SYNE1: variants seen among roughly 807,000 people sequenced by gnomAD.
SYNE1 encodes the protein spectrin repeat containing nuclear envelope protein 1.
SYNE1 carries 616 observed loss-of-function variants against 1,111.0 expected under a neutral mutation model. The observed-to-expected ratio is 0.55, with a 90% CI of 0.52 to 0.59. SYNE1 has a LOEUF of 0.59. SYNE1 is among the 20% of genes least tolerant of loss of function. The pLI is 0.00. For synonymous variants in SYNE1, 3,855 were observed against 3,825.8 expected (o/e 1.01, Z -0.28); for missense variants, 10,006 against 10,417.0 (o/e 0.96, Z 1.72).
chr6:152,541,071 C>T (rs572785960), intron 3 of SYNE1, among the ~76,000 whole-genome samples: 5 of 152,098 alleles, frequency 3.3e-5, no homozygotes, highest in Admixed American at 6.5e-5. Flanking sequence ...TCAAGGTTTG[C>T]GGTACTTTGC....
At chr6:152,138,267 T>C (rs1480295169) in intron 140 of SYNE1, among the ~76,000 whole-genome samples, 2 of 152,014 alleles carry the variant, frequency 1.3e-5, no homozygotes, top group Non-Finnish European at 1.5e-5. Flanking sequence ...TCCCAGCAAT[T>C]TGGGAGGCCG....
rs201146062 is a variant in SYNE1 at position 152,455,437 on chromosome 6, G to A, written c.2881C>T (p.Arg961Trp). The A allele has an allele frequency of 8.0e-4, 1,290 of 1,613,890 alleles. 8 individuals are homozygous for A. The highest frequency in any genetic ancestry group is 5.4e-3 in the East Asian group (243 of 44,868). ...EEKGDPEELLRRHTEFFSQLD... is the reference protein window; with the variant it reads ...EEKGDPEELLWRHTEFFSQLD... ...AAGGGTGGACTCACAGTGTGTCTCC[G>A]CAGGAGCTCCTCTGGATCCCCCTTT... The change falls in exon 24 of 146, where the codon CGG becomes TGG. Residue 961 changes from arginine (R) to tryptophan (W), a missense_variant. Around this residue, in one of 7 missense-constraint regions of SYNE1, gnomAD observed 1,971 missense variants for 2,084.1 expected, o/e 0.95. Transcript: ENST00000367255.
intron 124 of SYNE1, 69 bp downstream of exon 124, chr6:152,211,425 C>T: frequency 7.5e-7 from 1 of 1,336,502 alleles, no homozygotes; most frequent in Non-Finnish European, 1.1e-6. Context: ...GCCCTCCAAT[C>T]TGCTCATTAA....
chr6:152,620,140 A>G (rs1033865647), intron 3 of SYNE1, among the ~76,000 whole-genome samples: 7 of 52,400 alleles, frequency 1.3e-4, no homozygotes, highest in Admixed American at 9.4e-4. Context: ...AATTAACAAC[A>G]TTAACACAGT....
chr6:152,360,918 G>A (rs1272429591), intron 64 of SYNE1, among the ~76,000 whole-genome samples: 3 of 152,098 alleles, frequency 2.0e-5, no homozygotes, highest in Non-Finnish European at 4.4e-5. Flanking sequence ...CAAGTGTTGA[G>A]GATATAAAGA....
rs214945 is a variant in SYNE1 at position 152,391,770 on chromosome 6, A to G, written c.7713-202T>C. 0.5 allele frequency among the ~76,000 whole-genome samples: 75,870 copies of G among 151,608 alleles called. 21,479 individuals carry two copies. Among genetic ancestry groups the G allele is most frequent in the African/African-American group, 0.76 (31,518 of 41,312 alleles). Reference sequence around the variant, plus strand: ...TCTCCTAATGTTGTCAGTACCTATCAGGGGATAACATTCAGTCTGTGCTGT... The same window carrying G: ...TCTCCTAATGTTGTCAGTACCTATCGGGGGATAACATTCAGTCTGTGCTGT... On this transcript the variant is annotated intron_variant, in intron 51 of 145. Coordinates refer to ENST00000367255, the MANE Select transcript of SYNE1 (RefSeq NM_182961.4).
At chr6:152,307,354 C>T (rs1297838997) in intron 91 of SYNE1, among the ~76,000 whole-genome samples, 1 of 152,026 alleles carries the variant, frequency 6.6e-6, no homozygotes, top group Admixed American at 6.6e-5. Flanking sequence ...AAAGCAATAC[C>T]TTGAATCTTT....
At chr6:152,448,295 C>G (rs1449537549) in intron 28 of SYNE1, among the ~76,000 whole-genome samples, 1 of 152,170 alleles carries the variant, frequency 6.6e-6, no homozygotes, top group Non-Finnish European at 1.5e-5. Flanking sequence ...CTGGAGCAGC[C>G]TGTCCTCCCT....
chr6:152,182,613 T>C (rs2068434652), intron 128 of SYNE1, among the ~76,000 whole-genome samples: 4 of 152,236 alleles, frequency 2.6e-5, no homozygotes, highest in Non-Finnish European at 5.9e-5. Context: ...TGAAAATATT[T>C]CTAAGGTATT....
rs1404362748 is a variant in SYNE1, at chr6:152,393,362, G to C, written c.7713-1794C>G. Among the ~76,000 whole-genome samples, 5 of 152,088 alleles carry C rather than the reference G, an allele frequency of 3.3e-5. No individual in the cohort carries two copies. In the East Asian group the frequency reaches 9.6e-4, roughly 29 times the overall value. On this transcript the variant is annotated intron_variant, in intron 51 of 145. Transcript: ENST00000367255. ...ACCATTTAAAACATCTGGAAGAAGG[G>C]AAGTAGGTCTGGGTGTGTTATATTG...
chr6:152,369,446 G>A (rs1045140551), intron 60 of SYNE1, 25 bp downstream of exon 60: 91 of 1,613,932 alleles, frequency 5.6e-5, no homozygotes, highest in Non-Finnish European at 7.6e-5. Context: ...GGTCAGATGG[G>A]GCTACGGGGA....
chr6:152,445,294 A>G (rs1367441061), intron 29 of SYNE1, among the ~76,000 whole-genome samples: 1 of 152,146 alleles, frequency 6.6e-6, no homozygotes, highest in Non-Finnish European at 1.5e-5. Context: ...AGTATTTGTT[A>G]TAAATGTGCT....
intron 3 of SYNE1, among the ~76,000 whole-genome samples, chr6:152,548,780 G>C (rs548793189): frequency 2.0e-5 from 3 of 152,164 alleles, no homozygotes; most frequent in Non-Finnish European, 4.4e-5. Flanking sequence ...TCCTTCTTTT[G>C]TATGGTGACT....
chr6:152,534,083 C>G (rs975370708), intron 4 of SYNE1, among the ~76,000 whole-genome samples: 1 of 151,668 alleles, frequency 6.6e-6, no homozygotes, highest in African/African-American at 2.4e-5. Flanking sequence ...CACTTGAACT[C>G]GGGAGGAGGA....
At chr6:152,206,493 A>G in intron 125 of SYNE1, 131 bp from the exon 126 acceptor site, 2 of 892,280 alleles carry the variant, frequency 2.2e-6, no homozygotes, top group Non-Finnish European at 3.5e-6. Flanking sequence ...TGCTTTGCAC[A>G]TGCATGCACC....
At chr6:152,353,129 A>G (rs1331675966) in intron 69 of SYNE1, 134 bp downstream of exon 69, 5 of 1,227,900 alleles carry the variant, frequency 4.1e-6, no homozygotes, top group Non-Finnish European at 4.8e-6. Context: ...TAGTATTTCA[A>G]GTAAAATGAT....
Position 152,362,251 on chromosome 6 carries a change from A to T in SYNE1, c.10218T>A (p.Asp3406Glu). Reference protein sequence around the residue: ...DGVRQFSGWMDSMEANLNESE... With the variant: ...DGVRQFSGWMESMEANLNESE... Reference sequence around the variant, plus strand: ...ATTCATTCAGGTTGGCTTCCATACTATCCATCCAACCGGAGAACTGTCGAA... The same window carrying T: ...ATTCATTCAGGTTGGCTTCCATACTTTCCATCCAACCGGAGAACTGTCGAA... The change falls in exon 64 of 146, where the codon GAT (aspartate) becomes GAA (glutamate). Residue 3406 changes from aspartate to glutamate, a missense_variant. Physicochemically the swap from Asp to Glu is conservative, Grantham distance 45. This residue lies in a region of SYNE1 where 4,955 missense variants were observed against 5,017.2 expected (regional missense o/e 0.99). Transcript: ENST00000367255. 6.2e-7 allele frequency: 1 copy of T among 1,614,194 alleles called. No homozygotes were observed. Among genetic ancestry groups the T allele is most frequent in the Non-Finnish European group, 8.5e-7 (1 of 1,180,038 alleles).
chr6:152,364,914 G>A lies in SYNE1; in HGVS notation c.10078C>T (p.Gln3360Ter). 1 of 1,614,246 alleles carries A rather than the reference G, an allele frequency of 6.2e-7. No individual in the cohort carries two copies. The change falls in exon 63 of 146, where the codon CAG (glutamine) becomes TAG (stop). Residue 3360 changes from glutamine (Q) to a stop codon, truncating the protein, a stop_gained. Transcript: ENST00000367255. LOFTEE classifies it high-confidence loss of function. ...TCCTTCACACTCTGCAGCTGCTGCT[G>A]AATAGTGGGAATGCCTTCTGGAGAA... ...NTSPEGIPTI[Q>*]QQLQSVKDMW...
chr6:152,409,911 G>A (rs1180267191), intron 42 of SYNE1, among the ~76,000 whole-genome samples: 2 of 152,068 alleles, frequency 1.3e-5, no homozygotes, highest in African/African-American at 2.4e-5. Context: ...AGGTATGCAC[G>A]CAACCACTGA....
Sources: allele counts gnomAD v4.1 joint callset (sites outside exome capture counted in the v4.1 genomes callset), GRCh38; gene constraint gnomAD v4.1.1; regional missense constraint gnomAD v4.1.1; transcripts MANE v1.5; gene names NCBI Gene and HGNC (gene_info 2026-07-23, HGNC 2026-07-21).